Variants in WWOX observed in about 807,000 individuals in gnomAD.
The protein encoded by WWOX is WW domain containing oxidoreductase.
Under a neutral mutation model 46.2 loss-of-function variants are expected in WWOX, and 69 were observed. The ratio of observed to expected loss-of-function variants is 1.49; its 90% CI spans 1.23 to 1.82. The LOEUF (loss-of-function observed/expected upper bound fraction) is 1.82. Among genes scored for constraint, WWOX ranks in the 40% most tolerant of loss-of-function variants. The probability of loss-of-function intolerance (pLI) is 0.00; values close to 1 mark genes in which losing one functional copy is unlikely to be tolerated. For synonymous variants in WWOX, 359 were observed against 202.6 expected, an observed-to-expected ratio of 1.77 and a Z score of -6.56; for missense variants, 919 against 542.6, an observed-to-expected ratio of 1.69 and a Z score of -6.89.
At chr16:78,903,479 T>C (rs2044880322) in intron 8 of WWOX, among the ~76,000 whole-genome samples, 1 of 152,176 alleles carries the variant, frequency 6.6e-6, no homozygotes, top group African/African-American at 2.4e-5. Flanking sequence ...GTCTGATTGG[T>C]TGCAAAAAGC....
chr16:78,432,654 G>A lies in WWOX; in HGVS notation c.958G>A (p.Ala320Thr), dbSNP rs368670215. Residue 320 changes from alanine to threonine, a missense_variant, in exon 8 of 9, where the codon GCA (alanine) becomes ACA (threonine). Transcript: ENST00000566780. ...CTCCCCACGCGGGGTCACGTCGAAC[G>A]CAGTGCATCCTGGAAATATGATGTA... ...RLSPRGVTSN[A>T]VHPGNMMYSN... is the part of the protein sequence containing the mutation. The A allele has an allele frequency of 2.5e-5, 40 of 1,614,056 alleles. No homozygotes were observed. Among genetic ancestry groups the A allele is most frequent in the African/African-American group, 1.9e-4 (14 of 74,932 alleles).
intron 8 of WWOX, among the ~76,000 whole-genome samples, chr16:78,808,966 T>G (rs1333800969): frequency 6.6e-6 from 1 of 152,130 alleles, no homozygotes; most frequent in Non-Finnish European, 1.5e-5. Flanking sequence ...GATCTAAATG[T>G]ACTTAGGAGA....
At chr16:79,086,385 G>A (rs932370019) in intron 8 of WWOX, among the ~76,000 whole-genome samples, 15 of 152,208 alleles carry the variant, frequency 9.9e-5, no homozygotes, top group African/African-American at 3.6e-4. Flanking sequence ...AGATGAGAAA[G>A]CGTGTCTTCT....
chr16:78,672,300 A>G (rs756496792), intron 8 of WWOX, among the ~76,000 whole-genome samples: 5 of 152,236 alleles, frequency 3.3e-5, no homozygotes, highest in Non-Finnish European at 7.3e-5. Flanking sequence ...AAGCAGGGGC[A>G]TTCATCATGA....
intron 8 of WWOX, among the ~76,000 whole-genome samples, chr16:78,790,211 A>G (rs2059277): frequency 1.2e-3 from 183 of 152,054 alleles, no homozygotes; most frequent in African/African-American, 4.4e-3. Flanking sequence ...ATCTCAGCTC[A>G]CTGCAACCTG....
intron 8 of WWOX, among the ~76,000 whole-genome samples, chr16:79,160,643 T>A (rs2050467409): frequency 6.6e-6 from 1 of 152,202 alleles, no homozygotes; most frequent in African/African-American, 2.4e-5. Context: ...GTCAAGCAGA[T>A]CTGCAGCCCA....
intron 8 of WWOX, among the ~76,000 whole-genome samples, chr16:78,449,407 G>A (rs2083638114): frequency 6.6e-6 from 1 of 152,184 alleles, no homozygotes; most frequent in South Asian, 2.1e-4. Flanking sequence ...TGAATCCTGA[G>A]AGGCAGGGGT....
intron 8 of WWOX, among the ~76,000 whole-genome samples, chr16:78,886,133 C>T (rs186029438): frequency 1.3e-5 from 2 of 151,840 alleles, no homozygotes; most frequent in East Asian, 3.9e-4. Flanking sequence ...CCATGTTGGC[C>T]AGGCAGGTCT....
intron 8 of WWOX, among the ~76,000 whole-genome samples, chr16:79,113,562 G>C (rs1269172439): frequency 6.6e-6 from 1 of 152,212 alleles, no homozygotes; most frequent in Non-Finnish European, 1.5e-5. Context: ...GCAAACTTAG[G>C]CTTACGCCTG....
At chr16:78,925,462 C>T (rs1275243758) in intron 8 of WWOX, among the ~76,000 whole-genome samples, 1 of 152,144 alleles carries the variant, frequency 6.6e-6, no homozygotes, top group Non-Finnish European at 1.5e-5. Flanking sequence ...AAAAAATGCC[C>T]TCACATTTCA....
rs576673012 is a variant in WWOX, at chr16:78,550,912, A to C, written c.1056+118160A>C. ...GGTATGACTTATCACTTGGCTGGGG[A>C]CTCAGCATTAATTGATAAATCCACT... On this transcript the variant is annotated intron_variant, in intron 8 of 8. Transcript: ENST00000566780. 41 of 152,226 alleles carry C rather than the reference A, an allele frequency of 2.7e-4. 1 individual carries two copies. The highest frequency in any genetic ancestry group is 9.6e-4 in the African/African-American group (40 of 41,548). 9.4% of individuals were successfully genotyped at this position (152,226 alleles called of 1,614,324 possible). A position where few individuals can be genotyped will look rare whatever the true frequency, so the allele number is the denominator to read the frequency against.
intron 5 of WWOX, among the ~76,000 whole-genome samples, chr16:78,356,392 A>G (rs1024713341): frequency 6.6e-6 from 1 of 152,168 alleles, no homozygotes; most frequent in African/African-American, 2.4e-5. Flanking sequence ...GCCTTCTTCT[A>G]AAATGCTTAA....
At chr16:78,970,933 T>C (rs989759027) in intron 8 of WWOX, among the ~76,000 whole-genome samples, 1 of 152,212 alleles carries the variant, frequency 6.6e-6, no homozygotes, top group Non-Finnish European at 1.5e-5. Context: ...GTCTCTGTTT[T>C]GCTTACTTCT....
Position 78,440,551 on chromosome 16 carries a change from C to T in WWOX, c.1056+7799C>T, listed in dbSNP as rs535280849. ...TGTGTTGAATGAGTAAATGAAGAGT[C>T]CCTGGAATTTCTTCTTCATAACATT... On this transcript the variant is annotated intron_variant, in intron 8 of 8. Transcript: ENST00000566780. Among the ~76,000 whole-genome samples the T allele has an allele frequency of 5.3e-5, 8 of 152,208 alleles. No individual in the cohort carries two copies. The East Asian group carries it at 1.5e-3, about 29-fold the overall frequency.
intron 8 of WWOX, among the ~76,000 whole-genome samples, chr16:78,543,631 G>A (rs1209279574): frequency 6.6e-6 from 1 of 152,124 alleles, no homozygotes; most frequent in South Asian, 2.1e-4. Flanking sequence ...TAAGGCCAAG[G>A]GCACTTCTCA....
At chr16:78,363,961 A>T (rs1439049491) in intron 5 of WWOX, among the ~76,000 whole-genome samples, 2 of 152,222 alleles carry the variant, frequency 1.3e-5, no homozygotes, top group Non-Finnish European at 2.9e-5. Flanking sequence ...ACTCTTGCTG[A>T]CATCCGACTG....
At chr16:78,814,882 G>C (rs1186587101) in intron 8 of WWOX, among the ~76,000 whole-genome samples, 1 of 152,176 alleles carries the variant, frequency 6.6e-6, no homozygotes, top group South Asian at 2.1e-4. Context: ...CTGTGCACCA[G>C]CTACCTTTGT....
At chr16:79,064,651 C>G (rs539255350) in intron 8 of WWOX, among the ~76,000 whole-genome samples, 231 of 152,330 alleles carry the variant, frequency 1.5e-3, no homozygotes, top group Admixed American at 3.2e-3. Flanking sequence ...CACTGCCAAC[C>G]TCTTCGTGTT....
intron 8 of WWOX, among the ~76,000 whole-genome samples, chr16:78,869,917 G>T (rs1006749939): frequency 1.2e-4 from 19 of 152,316 alleles, no homozygotes; most frequent in African/African-American, 4.3e-4. Flanking sequence ...GAGAACATGG[G>T]ATTTATCATT....
Sources: gnomAD v4.1 joint callset for allele counts (sites outside exome capture counted in the v4.1 genomes callset) on GRCh38, gnomAD v4.1.1 for gene constraint, MANE v1.5 for transcripts, NCBI Gene and HGNC (gene_info 2026-07-23, HGNC 2026-07-21) for gene names.